KATNBL1: variants seen among roughly 807,000 people sequenced by gnomAD.
KATNBL1 encodes katanin regulatory subunit B1 like 1.
Under a neutral mutation model 44.7 loss-of-function variants are expected in KATNBL1, and 28 were observed. The ratio of observed to expected loss-of-function variants is 0.63; its 90% CI spans 0.46 to 0.86. The LOEUF is 0.86. KATNBL1 is among the 40% of genes least tolerant of loss of function. The pLI, the probability that KATNBL1 is intolerant of heterozygous loss-of-function variation, is 0.00. For synonymous variants in KATNBL1, 78 were observed against 114.9 expected, an observed-to-expected ratio of 0.68 and a Z score of 2.06; for missense variants, 272 against 350.7, an observed-to-expected ratio of 0.78 and a Z score of 1.79.
At chr15:34,163,493 A>C in intron 2 of KATNBL1, 67 bp downstream of exon 2, 2 of 1,532,776 alleles carry the variant, frequency 1.3e-6, no homozygotes, top group Non-Finnish European at 1.7e-6. Context: ...AAACAATTCA[A>C]CCAGAGATAT....
intron 4 of KATNBL1, among the ~76,000 whole-genome samples, chr15:34,151,429 T>C (rs1187178508): frequency 6.3e-5 from 9 of 143,684 alleles, no homozygotes; most frequent in Admixed American, 2.2e-4. Flanking sequence ...ATTGTGTCCT[T>C]TGCCTACTTT....
At chr15:34,199,994 A>C (rs1421992353) in intron 1 of KATNBL1, among the ~76,000 whole-genome samples, 1 of 152,060 alleles carries the variant, frequency 6.6e-6, no homozygotes. Context: ...CACTTTACAG[A>C]GTGCTGATTG....
At chr15:34,181,840 A>AGT (rs1235366940) in intron 1 of KATNBL1, among the ~76,000 whole-genome samples, 1,922 of 53,606 alleles carry the variant, frequency 0.036, 618 homozygotes, top group African/African-American at 0.082. Flanking sequence ...CCATATATAT[A>AGT]CACATATATA....
Position 34,156,949 on chromosome 15 carries a change from A to C in KATNBL1, c.118-2265T>G, listed in dbSNP as rs185429418. ...AGAATGTTGGACCAACTACAGCATA[A>C]AAGCTTTGTATTGGGAAGGCAAGAC... On this transcript the variant is annotated intron_variant, in intron 2 of 9. Transcript: ENST00000256544. 1.1e-3 allele frequency among the ~76,000 whole-genome samples: 175 copies of C among 152,306 alleles called. 1 individual carries two copies. The highest frequency in any genetic ancestry group is 0.011 in the Admixed American group (166 of 15,290).
At chr15:34,165,513 T>C (rs1467940157) in intron 1 of KATNBL1, among the ~76,000 whole-genome samples, 1 of 152,106 alleles carries the variant, frequency 6.6e-6, no homozygotes, top group African/African-American at 2.4e-5. Context: ...AAGTGGTAAC[T>C]TGATCAGGTG....
intron 1 of KATNBL1, among the ~76,000 whole-genome samples, chr15:34,168,881 T>C (rs1319558523): frequency 6.6e-6 from 1 of 152,190 alleles, no homozygotes; most frequent in African/African-American, 2.4e-5. Context: ...AGATGTTTTT[T>C]GAAACCAATG....
At chr15:34,167,491 G>A (rs369851165) in intron 1 of KATNBL1, among the ~76,000 whole-genome samples, 3 of 152,238 alleles carry the variant, frequency 2.0e-5, no homozygotes, top group East Asian at 1.9e-4. Flanking sequence ...TGAAAGTGAC[G>A]GGGAGAATGC....
At chr15:34,178,481 G>A (rs189491436) in intron 1 of KATNBL1, among the ~76,000 whole-genome samples, 1 of 152,120 alleles carries the variant, frequency 6.6e-6, no homozygotes, top group Non-Finnish European at 1.5e-5. Context: ...CAATGGGCCG[G>A]GCGTGGTGGC....
intron 1 of KATNBL1, among the ~76,000 whole-genome samples, chr15:34,164,671 A>C (rs1256599589): frequency 1.3e-5 from 2 of 152,210 alleles, no homozygotes; most frequent in Non-Finnish European, 2.9e-5. Context: ...TTCACGTTGG[A>C]AATTTATTTT....
chr15:34,148,665 C>T lies in KATNBL1; in HGVS notation c.524G>A (p.Arg175Lys), dbSNP rs1888380675. 2.5e-6 allele frequency: 4 copies of T among 1,606,124 alleles called. No individual in the cohort carries two copies. The highest frequency in any genetic ancestry group is 3.4e-6 in the Non-Finnish European group (4 of 1,172,904). ...ATAAGCTACAAGTTCACTTATACTT[C>T]TCTTTCTCCAGAAAGTTAAAGCTAC... ...LNVALTFWRK[R>K]SISELVAYLL... Residue 175 changes from arginine to lysine, a missense_variant, in exon 5 of 10, where the codon AGA becomes AAA. Around this residue, in one of 3 missense-constraint regions of KATNBL1, gnomAD observed 111 missense variants for 149.3 expected, o/e 0.74. Transcript: ENST00000256544.
intron 1 of KATNBL1, among the ~76,000 whole-genome samples, chr15:34,201,840 G>GA (rs999946063): frequency 6.6e-6 from 1 of 151,710 alleles, no homozygotes. Flanking sequence ...AAACTATTTA[G>GA]AAAAAAAATA....
chr15:34,187,634 C>T (rs1046187918), intron 1 of KATNBL1, among the ~76,000 whole-genome samples: 1 of 152,124 alleles, frequency 6.6e-6, no homozygotes, highest in Non-Finnish European at 1.5e-5. Context: ...AGCTTCAGTC[C>T]AACTATACTT....
chr15:34,146,567 T>A, intron 8 of KATNBL1, 194 bp downstream of exon 8: 1 of 527,516 alleles, frequency 1.9e-6, no homozygotes, highest in Non-Finnish European at 3.4e-6. Context: ...ATACAGGAGG[T>A]TAGTAGGCTC....
chr15:34,164,561 A>G (rs555011308), intron 1 of KATNBL1, among the ~76,000 whole-genome samples: 1 of 152,186 alleles, frequency 6.6e-6, no homozygotes, highest in East Asian at 1.9e-4. Context: ...TACTAATTAT[A>G]TCTAAAGAGG....
chr15:34,193,109 C>T (rs972811921), intron 1 of KATNBL1, among the ~76,000 whole-genome samples: 3 of 145,008 alleles, frequency 2.1e-5, no homozygotes, highest in Admixed American at 7.2e-5. Context: ...CCCAGCTACT[C>T]GGGAGGCTGA....
intron 5 of KATNBL1, among the ~76,000 whole-genome samples, chr15:34,147,935 C>G (rs932579305): frequency 6.6e-6 from 1 of 152,084 alleles, no homozygotes; most frequent in African/African-American, 2.4e-5. Context: ...TGCATAATCA[C>G]AGCTTACTGC....
intron 9 of KATNBL1, chr15:34,143,105 T>G: frequency 4.4e-6 from 4 of 907,756 alleles, no homozygotes; most frequent in Non-Finnish European, 6.1e-6. Context: ...CATTGAACTT[T>G]TAATCACTCA....
intron 1 of KATNBL1, among the ~76,000 whole-genome samples, chr15:34,166,445 C>T (rs920500476): frequency 6.6e-6 from 1 of 152,256 alleles, no homozygotes; most frequent in Non-Finnish European, 1.5e-5. Context: ...GAAGCTCGAA[C>T]TGGGCAGAGC....
intron 8 of KATNBL1, 177 bp from the exon 9 acceptor site, chr15:34,145,668 T>G: frequency 2.1e-6 from 1 of 468,368 alleles, no homozygotes; most frequent in Non-Finnish European, 3.2e-6. Context: ...AAAAATCAAA[T>G]AACTTTTAGA....
Sources: gnomAD v4.1 joint callset for allele counts (sites outside exome capture counted in the v4.1 genomes callset) on GRCh38, gnomAD v4.1.1 for gene constraint, gnomAD v4.1.1 regional missense constraint, MANE v1.5 for transcripts, NCBI Gene and HGNC (gene_info 2026-07-23, HGNC 2026-07-21) for gene names.